ADAM20: variants seen among roughly 807,000 people sequenced by gnomAD.
The protein encoded by ADAM20 is ADAM metallopeptidase domain 20.
For missense variants in ADAM20, 871 were observed against 883.2 expected (o/e 0.99, Z 0.18); for synonymous variants, 305 against 310.2 (o/e 0.98, Z 0.18).
intron 1 of ADAM20, among the ~76,000 whole-genome samples, chr14:70,532,669 A>G (rs183621686): frequency 1.8e-4 from 27 of 152,286 alleles, no homozygotes; most frequent in Admixed American, 1.5e-3. Flanking sequence ...TGAGATAGCT[A>G]TACTTAACTA....
Position 70,522,410 on chromosome 14 carries a change from AATAGG to A in ADAM20, c.*162_*166del. 1.4e-6 allele frequency: 1 copy of A among 704,634 alleles called. No individual in the cohort carries two copies. Among genetic ancestry groups the A allele is most frequent in the African/African-American group, 1.8e-5 (1 of 55,640 alleles). 43.6% of individuals were successfully genotyped at this position (704,634 alleles called of 1,614,324 possible). On this transcript the variant is annotated 3_prime_UTR_variant, in exon 2 of 2. Transcript: ENST00000256389. ...CTTAAGACACTGTAGAGTAAGTAAGAATAGGCTAGGAATCCTTTGCTGTGATAGCT... is the reference window on the plus strand; with the variant it reads ...CTTAAGACACTGTAGAGTAAGTAAGACTAGGAATCCTTTGCTGTGATAGCT...
At chr14:70,530,718 A>G (rs767652840) in intron 1 of ADAM20, among the ~76,000 whole-genome samples, 1 of 152,178 alleles carries the variant, frequency 6.6e-6, no homozygotes, top group Non-Finnish European at 1.5e-5. Flanking sequence ...TCATCTGCAG[A>G]TGGAAATTAA....
chr14:70,523,156 G>C lies in ADAM20; in HGVS notation c.1602C>G (p.Ile534Met). 1 of 1,614,004 alleles carries C rather than the reference G, an allele frequency of 6.2e-7. No individual in the cohort carries two copies. Among genetic ancestry groups the C allele is most frequent in the Non-Finnish European group, 8.5e-7 (1 of 1,179,942 alleles). Residue 534 changes from isoleucine (I) to methionine (M), a missense_variant, in exon 2 of 2, where the codon ATC (isoleucine) becomes ATG (methionine). Coordinates refer to ENST00000256389, the MANE Select transcript of ADAM20 (RefSeq NM_003814.5). ...GACCGAAACGGTTTCCTTGGGTGTT[G>C]ATTTCTTGGTAGCAACTCTGAGATG... ...RSASQSCYQE[I>M]NTQGNRFGHC...
chr14:70,577,565 A>G, the ADAM20 span, among the ~76,000 whole-genome samples: 1 of 152,210 alleles, frequency 6.6e-6, no homozygotes, highest in Admixed American at 6.5e-5. Context: ...TGAAAGAAAA[A>G]TGGTTGGCAC....
the ADAM20 span, among the ~76,000 whole-genome samples, chr14:70,540,269 T>C: frequency 6.6e-6 from 1 of 152,218 alleles, no homozygotes; most frequent in East Asian, 1.9e-4. Flanking sequence ...TTGGATCTTC[T>C]TCTGGTTGTC....
chr14:70,573,760 T>C, the ADAM20 span, among the ~76,000 whole-genome samples: 2 of 152,124 alleles, frequency 1.3e-5, no homozygotes, highest in Non-Finnish European at 1.5e-5. Context: ...CAAAATGGAC[T>C]TTACATCAAA....
the ADAM20 span, among the ~76,000 whole-genome samples, chr14:70,557,862 C>G: frequency 6.6e-6 from 1 of 151,928 alleles, no homozygotes. Flanking sequence ...AAAGATTGGA[C>G]ACCCTTGATT....
chr14:70,523,188 T>G lies in ADAM20; in HGVS notation c.1570A>C (p.Arg524=). ...TGGTAGCAACTCTGAGATGCACTCC[T>G]TGCATCTTGGCCAAAAATCTCTTTA... ...QCKEIFGQDA[R]SASQSCYQEI... The change falls in exon 2 of 2, where the codon AGG becomes CGG. Residue 524 remains arginine (R), a synonymous_variant. Coordinates refer to ENST00000256389, the MANE Select transcript of ADAM20 (RefSeq NM_003814.5). 6.2e-7 allele frequency: 1 copy of G among 1,614,050 alleles called. No homozygotes were observed. The highest frequency in any genetic ancestry group is 1.3e-5 in the African/African-American group (1 of 75,040).
At chr14:70,546,091 C>G in the ADAM20 span, among the ~76,000 whole-genome samples, 1 of 152,046 alleles carries the variant, frequency 6.6e-6, no homozygotes, top group Non-Finnish European at 1.5e-5. Flanking sequence ...CGACAATAAG[C>G]TCCTGAATGG....
chr14:70,561,601 A>G, the ADAM20 span, among the ~76,000 whole-genome samples: 1 of 152,276 alleles, frequency 6.6e-6, no homozygotes, highest in South Asian at 2.1e-4. Context: ...CTGGAGGCCT[A>G]GGAGAGAAGA....
the ADAM20 span, among the ~76,000 whole-genome samples, chr14:70,567,474 A>G: frequency 1.4e-4 from 21 of 152,196 alleles, no homozygotes; most frequent in Non-Finnish European, 2.8e-4. Context: ...GGAAATGAAC[A>G]TGGAGAGAGG....
In ADAM20 at chr14:70,522,727, A is replaced by T; in HGVS notation, c.2031T>A (p.Pro677=). 1.2e-6 allele frequency: 2 copies of T among 1,614,030 alleles called. No individual in the cohort carries two copies. The highest frequency in any genetic ancestry group is 1.7e-6 in the Non-Finnish European group (2 of 1,179,934). ...TTAATCCTTCCATGTTGTTCTTAGG[A>T]GGTGGGCCACTATCAGCACTACCTC... ...GYGGSADSGP[P]PKNNMEGLNV... Residue 677 remains proline, a synonymous_variant, in exon 2 of 2, where the codon CCT becomes CCA. Coordinates refer to ENST00000256389, the MANE Select transcript of ADAM20 (RefSeq NM_003814.5).
chr14:70,554,584 G>T, the ADAM20 span, among the ~76,000 whole-genome samples: 1 of 152,088 alleles, frequency 6.6e-6, no homozygotes. Context: ...TAACAAAGAA[G>T]AATATCCTGC....
chr14:70,522,733 G>T lies in ADAM20; in HGVS notation c.2025C>A (p.Gly675=). 1 of 1,614,008 alleles carries T rather than the reference G, an allele frequency of 6.2e-7. No individual in the cohort carries two copies. The highest frequency in any genetic ancestry group is 8.5e-7 in the Non-Finnish European group (1 of 1,179,922). Residue 675 remains glycine, a synonymous_variant, in exon 2 of 2, where the codon GGC becomes GGA. Transcript: ENST00000256389. The part of the protein sequence containing the change: ...DKGYGGSADS[G]PPPKNNMEGL... ...CTTCCATGTTGTTCTTAGGAGGTGG[G>T]CCACTATCAGCACTACCTCCATAGC...
the ADAM20 span, among the ~76,000 whole-genome samples, chr14:70,554,133 C>A: frequency 6.6e-6 from 1 of 152,084 alleles, no homozygotes; most frequent in Non-Finnish European, 1.5e-5. Context: ...AGTGAACAAT[C>A]TGAAAATGAA....
chr14:70,566,872 C>T, the ADAM20 span, among the ~76,000 whole-genome samples: 1 of 152,152 alleles, frequency 6.6e-6, no homozygotes, highest in Non-Finnish European at 1.5e-5. Flanking sequence ...ATCCCAGCTA[C>T]TCAAGAGGCT....
chr14:70,556,638 C>T, the ADAM20 span: 1 of 152,298 alleles, frequency 6.6e-6, no homozygotes, highest in East Asian at 1.9e-4. Flanking sequence ...GCTTGAATAA[C>T]GTGGATTTGA....
At chr14:70,571,810 C>A in the ADAM20 span, among the ~76,000 whole-genome samples, 3 of 152,048 alleles carry the variant, frequency 2.0e-5, no homozygotes, top group Admixed American at 6.6e-5. Flanking sequence ...AATCAATGTA[C>A]AAAAATCAGT....
At position 70,524,865 on chromosome 14, in the gene ADAM20, C is replaced by T. The variant is rs1355011611; in HGVS notation, c.-108G>A. The stretch of plus-strand genomic sequence containing the variant: ...GAGCTGTTCAGGGTGCATGGCTGAC[C>T]TTTAGGGATCTGGGGATCTGTGTCC... On this transcript the variant is annotated 5_prime_UTR_variant, in exon 2 of 2. Coordinates refer to ENST00000256389, the MANE Select transcript of ADAM20 (RefSeq NM_003814.5). The T allele has an allele frequency of 6.2e-7, 1 of 1,612,580 alleles. No homozygotes were observed. The highest frequency in any genetic ancestry group is 2.2e-5 in the East Asian group (1 of 44,864).
Sources: allele counts gnomAD v4.1 joint callset (sites outside exome capture counted in the v4.1 genomes callset), GRCh38; gene constraint gnomAD v4.1.1; transcripts MANE v1.5; gene names NCBI Gene and HGNC (gene_info 2026-07-23, HGNC 2026-07-21).